PIEZO2: variants seen among roughly 807,000 people sequenced by gnomAD.
PIEZO2 encodes piezo type mechanosensitive ion channel component 2, also known as piezo-type mechanosensitive ion channel component 2.
A neutral mutation model predicts 337.3 loss-of-function variants in PIEZO2; 172 were observed. That is an observed-to-expected ratio of 0.51 (90% CI 0.45 to 0.58). The LOEUF is 0.58. Ranked by LOEUF, PIEZO2 falls within the 20% of genes least tolerant of loss-of-function variation. The pLI is 0.00. For synonymous variants in PIEZO2, 1,251 were observed against 1,228.5 expected (o/e 1.02, Z -0.38); for missense variants, 3,028 against 3,391.3 (o/e 0.89, Z 2.66).
intron 3 of PIEZO2, among the ~76,000 whole-genome samples, chr18:10,930,984 T>C (rs1232404342): frequency 6.6e-6 from 1 of 152,190 alleles, no homozygotes; most frequent in Non-Finnish European, 1.5e-5. Flanking sequence ...GAATAGCTTA[T>C]TTTAAATGGT....
chr18:10,683,553 T>C (rs924592489), intron 49 of PIEZO2, among the ~76,000 whole-genome samples: 4 of 152,378 alleles, frequency 2.6e-5, no homozygotes, highest in Admixed American at 2.6e-4. Context: ...GCAGTAGCAG[T>C]GTATTTTGAT....
At chr18:11,086,919 A>G (rs2038935219) in intron 1 of PIEZO2, among the ~76,000 whole-genome samples, 1 of 152,236 alleles carries the variant, frequency 6.6e-6, no homozygotes, top group Non-Finnish European at 1.5e-5. Flanking sequence ...TCCCATGTGT[A>G]GCATGGCAAG....
chr18:10,689,911 A>T (rs1254462295), intron 48 of PIEZO2, 109 bp from the exon 49 acceptor site: 4 of 1,318,468 alleles, frequency 3.0e-6, no homozygotes, highest in Non-Finnish European at 4.1e-6. Flanking sequence ...ATGACTCAGA[A>T]ACAATTCTCT....
chr18:10,958,590 CTTGA>C (rs2033636048), intron 3 of PIEZO2, among the ~76,000 whole-genome samples: 1 of 152,156 alleles, frequency 6.6e-6, no homozygotes, highest in African/African-American at 2.4e-5. Flanking sequence ...TATTAATTAG[CTTGA>C]TTAAGTCTTT....
intron 15 of PIEZO2, among the ~76,000 whole-genome samples, chr18:10,788,740 T>C (rs1261541525): frequency 6.6e-6 from 1 of 152,154 alleles, no homozygotes; most frequent in Non-Finnish European, 1.5e-5. Flanking sequence ...CACAACTGGC[T>C]AATTTTTTAA....
intron 4 of PIEZO2, among the ~76,000 whole-genome samples, chr18:10,884,608 T>G (rs1315586597): frequency 6.6e-6 from 1 of 152,038 alleles, no homozygotes; most frequent in Non-Finnish European, 1.5e-5. Flanking sequence ...TTCGTGGAGG[T>G]GGGGTATAAG....
intron 9 of PIEZO2, 102 bp downstream of exon 9, chr18:10,803,773 T>A (rs766295979): frequency 6.5e-6 from 9 of 1,381,634 alleles, no homozygotes; most frequent in Non-Finnish European, 8.6e-6. Flanking sequence ...ACAAGCAACC[T>A]GAATATGATA....
chr18:10,792,191 C>T (rs1168335221), intron 13 of PIEZO2, among the ~76,000 whole-genome samples: 2 of 152,176 alleles, frequency 1.3e-5, no homozygotes, highest in Admixed American at 6.5e-5. Context: ...TCAGGTGATC[C>T]GCCTGCCTTG....
rs142675546 is a variant in PIEZO2 at position 10,783,281 on chromosome 18, T to C, written c.2492+1503A>G. 9.9e-3 allele frequency among the ~76,000 whole-genome samples: 1,508 copies of C among 152,322 alleles called. 30 individuals are homozygous for C. The highest frequency in any genetic ancestry group is 0.035 in the African/African-American group (1,442 of 41,584). On this transcript the variant is annotated intron_variant, in intron 17 of 55. Transcript: ENST00000674853. The surrounding 1 kb of genome is among the most constrained non-coding windows in gnomAD (Gnocchi z 4.3). ...CCTTGAAAAGAATGGTGAGGGCTTATAGTAAATTTAAACATGTTACATGGT... is the reference window on the plus strand; with the variant it reads ...CCTTGAAAAGAATGGTGAGGGCTTACAGTAAATTTAAACATGTTACATGGT...
Position 11,069,876 on chromosome 18 carries a change from A to C in PIEZO2, c.65-3654T>G, listed in dbSNP as rs2038277288. Reference sequence around the variant, plus strand: ...AATCAGTGGTATTTGCTATATGCTAACAATGAACTATCTGAAAAAGAAATT... The same window carrying C: ...AATCAGTGGTATTTGCTATATGCTACCAATGAACTATCTGAAAAAGAAATT... On this transcript the variant is annotated intron_variant, in intron 1 of 55. Transcript: ENST00000674853. The surrounding 1 kb of genome is among the most constrained non-coding windows in gnomAD (Gnocchi z 4.9). Among the ~76,000 whole-genome samples, 1 of 152,254 alleles carries C rather than the reference A, an allele frequency of 6.6e-6. No individual in the cohort carries two copies. The highest frequency in any genetic ancestry group is 2.4e-5 in the African/African-American group (1 of 41,464).
At chr18:11,133,938 T>C (rs938344001) in intron 1 of PIEZO2, among the ~76,000 whole-genome samples, 2 of 152,114 alleles carry the variant, frequency 1.3e-5, no homozygotes. Context: ...CCTTGACTAA[T>C]ACACTGAGTA....
intron 17 of PIEZO2, among the ~76,000 whole-genome samples, chr18:10,782,770 G>C (rs2039077779): frequency 6.6e-6 from 1 of 151,784 alleles, no homozygotes; most frequent in Non-Finnish European, 1.5e-5. Flanking sequence ...TGAAGCGGCA[G>C]CTGAGGAAAC....
At position 11,038,581 on chromosome 18, in the gene PIEZO2, T is replaced by A. The variant is rs2145795729; in HGVS notation, c.160+27546A>T. ...GAAGACTGAATGTATCTATGACCTG[T>A]GAACACCCCACAGTGCAGCTGAGGA... On this transcript the variant is annotated intron_variant, in intron 2 of 55. Transcript: ENST00000674853. This position sits in a 1 kb window ranked among gnomAD's most constrained non-coding sequence, Gnocchi z 4.1. 6.6e-6 allele frequency among the ~76,000 whole-genome samples: 1 copy of A among 152,294 alleles called. No individual in the cohort carries two copies. The highest frequency in any genetic ancestry group is 1.5e-5 in the Non-Finnish European group (1 of 68,018).
chr18:10,820,774 T>A (rs1458934077), intron 7 of PIEZO2, among the ~76,000 whole-genome samples: 1 of 152,206 alleles, frequency 6.6e-6, no homozygotes, highest in Non-Finnish European at 1.5e-5. Context: ...TGGCAGGAAG[T>A]TAAGTTACTT....
intron 2 of PIEZO2, among the ~76,000 whole-genome samples, chr18:11,051,370 G>GTGTGTGTGTGTGTGGGTGTGT (rs1568330522): frequency 1.0e-5 from 1 of 97,234 alleles, no homozygotes; most frequent in Non-Finnish European, 2.9e-5. Flanking sequence ...TGTGTGTGTG[G>GTGTGTGTGTGTGTGGGTGTGT]GTGTGGGTGT....
chr18:11,056,878 G>C (rs2037749053), intron 2 of PIEZO2, among the ~76,000 whole-genome samples: 1 of 152,192 alleles, frequency 6.6e-6, no homozygotes, highest in African/African-American at 2.4e-5. Flanking sequence ...TAAATTCTTA[G>C]TTTTTGATTC....
chr18:10,735,768 G>C (rs986613202), intron 34 of PIEZO2, among the ~76,000 whole-genome samples: 1 of 152,142 alleles, frequency 6.6e-6, no homozygotes, highest in African/African-American at 2.4e-5. Flanking sequence ...TGGGAAACAA[G>C]CATGGATGGG....
intron 43 of PIEZO2, among the ~76,000 whole-genome samples, chr18:10,699,589 G>A (rs991207885): frequency 1.2e-4 from 19 of 152,218 alleles, no homozygotes; most frequent in Non-Finnish European, 2.2e-4. Flanking sequence ...TCTTTCTTTC[G>A]TAAATTGCCC....
At chr18:10,977,243 C>T (rs1317181905) in intron 3 of PIEZO2, among the ~76,000 whole-genome samples, 2 of 151,820 alleles carry the variant, frequency 1.3e-5, no homozygotes, top group African/African-American at 2.4e-5. Context: ...TTCCACCCTC[C>T]AGCCACCTTC....
Sources: allele counts gnomAD v4.1 joint callset (sites outside exome capture counted in the v4.1 genomes callset), GRCh38; gene constraint gnomAD v4.1.1; non-coding constraint Gnocchi (gnomAD v3.1); transcripts MANE v1.5; gene names NCBI Gene and HGNC (gene_info 2026-07-23, HGNC 2026-07-21).